The following SPATS2L variants were observed in gnomAD, a reference collection of about 807,000 sequenced individuals.
SPATS2L encodes the protein spermatogenesis associated serine rich 2 like, also known as SPATS2-like protein.
In SPATS2L, 30 loss-of-function variants were observed where a neutral mutation model predicts 59.6. The ratio of observed to expected loss-of-function variants is 0.50; its 90% CI spans 0.38 to 0.68. The LOEUF (loss-of-function observed/expected upper bound fraction) is 0.68, where lower values mean the gene tolerates loss of function less well. SPATS2L is among the 30% of genes least tolerant of loss of function. The pLI, the probability that SPATS2L is intolerant of heterozygous loss-of-function variation, is 0.00. For synonymous variants in SPATS2L, 252 were observed against 263.5 expected (o/e 0.96, Z 0.42); for missense variants, 615 against 700.0 (o/e 0.88, Z 1.37).
At chr2:200,332,527 G>A (rs2079980062) in intron 2 of SPATS2L, among the ~76,000 whole-genome samples, 1 of 152,148 alleles carries the variant, frequency 6.6e-6, no homozygotes, top group Admixed American at 6.5e-5. Flanking sequence ...GATTACAGGT[G>A]TGAGCCACCA....
intron 2 of SPATS2L, among the ~76,000 whole-genome samples, chr2:200,371,570 G>A (rs1370182912): frequency 6.6e-6 from 1 of 152,012 alleles, no homozygotes; most frequent in African/African-American, 2.4e-5. Context: ...CAGCTCAGGA[G>A]TATGTATCTC....
chr2:200,314,298 T>C (rs2079289844), intron 1 of SPATS2L, among the ~76,000 whole-genome samples: 1 of 152,232 alleles, frequency 6.6e-6, no homozygotes, highest in African/African-American at 2.4e-5. Context: ...ACATTTTATA[T>C]AGAGACTGTC....
intron 2 of SPATS2L, among the ~76,000 whole-genome samples, chr2:200,369,052 G>A (rs1337758846): frequency 2.8e-5 from 4 of 144,106 alleles, no homozygotes; most frequent in African/African-American, 1.0e-4. Flanking sequence ...CTGTTTGAAT[G>A]ATTAGAATTA....
At chr2:200,364,167 T>C (rs192680) in intron 2 of SPATS2L, among the ~76,000 whole-genome samples, 140,184 of 152,172 alleles carry the variant, frequency 0.92, 64,776 homozygotes, top group Middle Eastern at 0.97. Context: ...AACAGATCCT[T>C]CTCTAGAGCT....
chr2:200,306,585 T>G (rs2079017670), upstream of SPATS2L: 1 of 990,432 alleles, frequency 1.0e-6, no homozygotes, highest in Non-Finnish European at 1.2e-6. Flanking sequence ...GGGCGCCGGC[T>G]GGGGTGTGTG....
intron 2 of SPATS2L, among the ~76,000 whole-genome samples, chr2:200,388,967 TA>T (rs1324682153): frequency 6.6e-6 from 1 of 152,216 alleles, no homozygotes; most frequent in South Asian, 2.1e-4. Flanking sequence ...ACAATTTAGA[TA>T]AATTCCCATC....
chr2:200,472,183 G>A (rs1208021692), intron 11 of SPATS2L, among the ~76,000 whole-genome samples: 1 of 152,222 alleles, frequency 6.6e-6, no homozygotes, highest in Non-Finnish European at 1.5e-5. Flanking sequence ...CAGTGAGGCT[G>A]CAGAAAACGG....
intron 7 of SPATS2L, among the ~76,000 whole-genome samples, chr2:200,440,028 C>T (rs912314234): frequency 1.3e-5 from 2 of 152,160 alleles, no homozygotes; most frequent in African/African-American, 4.8e-5. Context: ...TTTCTTCTAC[C>T]AAACATGGCC....
At chr2:200,364,807 C>CAGTT (rs1262140045) in intron 2 of SPATS2L, among the ~76,000 whole-genome samples, 1 of 152,138 alleles carries the variant, frequency 6.6e-6, no homozygotes, top group African/African-American at 2.4e-5. Flanking sequence ...AGAGAAGGAC[C>CAGTT]AGTTGCCAGT....
intron 4 of SPATS2L, among the ~76,000 whole-genome samples, chr2:200,414,691 G>T (rs1474280244): frequency 6.6e-6 from 1 of 152,092 alleles, no homozygotes; most frequent in Admixed American, 6.6e-5. Flanking sequence ...AAAAATATTT[G>T]TTAGGAGTCA....
intron 1 of SPATS2L, among the ~76,000 whole-genome samples, chr2:200,328,134 T>G (rs991413788): frequency 2.0e-5 from 3 of 152,160 alleles, no homozygotes; most frequent in Admixed American, 1.3e-4. Context: ...GCTGGACACT[T>G]GGGGCACGTG....
chr2:200,450,521 G>A (rs943306315), intron 8 of SPATS2L, among the ~76,000 whole-genome samples: 11 of 152,082 alleles, frequency 7.2e-5, no homozygotes, highest in Non-Finnish European at 1.2e-4. Context: ...CCATGCCTTC[G>A]CTACCTCTCT....
intron 2 of SPATS2L, among the ~76,000 whole-genome samples, chr2:200,384,810 C>T (rs2081940491): frequency 6.6e-6 from 1 of 152,086 alleles, no homozygotes; most frequent in Admixed American, 6.6e-5. Context: ...ATGATTATAT[C>T]TACATATGTT....
At chr2:200,369,471 C>T (rs1239982725) in intron 2 of SPATS2L, among the ~76,000 whole-genome samples, 2 of 151,738 alleles carry the variant, frequency 1.3e-5, no homozygotes, top group African/African-American at 2.4e-5. Context: ...CCATAAAAGA[C>T]CATTTAAAAA....
chr2:200,420,873 G>GC (rs757760299), intron 6 of SPATS2L, among the ~76,000 whole-genome samples: 1 of 151,858 alleles, frequency 6.6e-6, no homozygotes, highest in African/African-American at 2.4e-5. Context: ...CTAGCATCCT[G>GC]CCCCCCAACC....
At chr2:200,307,578 G>GGGACCCCGGAGTCCGCGGGCTGC (rs1004744916) in intron 1 of SPATS2L, among the ~76,000 whole-genome samples, 5 of 152,332 alleles carry the variant, frequency 3.3e-5, no homozygotes, top group African/African-American at 1.2e-4. Context: ...TTTGGGCGGG[G>GGGACCCCGGAGTCCGCGGGCTGC]GGACCCCGGA....
At chr2:200,372,580 T>C (rs954388372) in intron 2 of SPATS2L, among the ~76,000 whole-genome samples, 12 of 152,168 alleles carry the variant, frequency 7.9e-5, no homozygotes, top group African/African-American at 2.4e-4. Flanking sequence ...CAGCTTTACA[T>C]CTACGATTCT....
intron 1 of SPATS2L, among the ~76,000 whole-genome samples, chr2:200,326,601 C>T (rs1198573451): frequency 1.3e-5 from 2 of 152,216 alleles, no homozygotes; most frequent in African/African-American, 4.8e-5. Context: ...TGTGGAATCC[C>T]TTTCAGAGCC....
intron 3 of SPATS2L, among the ~76,000 whole-genome samples, chr2:200,407,699 T>C (rs994031735): frequency 6.6e-6 from 1 of 152,194 alleles, no homozygotes; most frequent in African/African-American, 2.4e-5. Context: ...TCATAAATAT[T>C]CCTCCAGTCT....
Sources: gnomAD v4.1 joint callset for allele counts (sites outside exome capture counted in the v4.1 genomes callset) on GRCh38, gnomAD v4.1.1 for gene constraint, MANE v1.5 for transcripts, NCBI Gene and HGNC (gene_info 2026-07-23, HGNC 2026-07-21) for gene names.